COL6A6: variants seen among roughly 807,000 people sequenced by gnomAD.
The protein encoded by COL6A6 is collagen type VI alpha 6 chain.
Under a neutral mutation model 208.6 loss-of-function variants are expected in COL6A6, and 183 were observed. The observed-to-expected ratio is 0.88, with a 90% CI of 0.78 to 0.99. The LOEUF is 0.99. COL6A6 is among the 50% of genes least tolerant of loss of function. The pLI, the probability that COL6A6 is intolerant of heterozygous loss-of-function variation, is 0.00. For missense variants in COL6A6, 2,816 were observed against 2,815.2 expected (o/e 1.00, Z -0.01); for synonymous variants, 973 against 1,011.8 (o/e 0.96, Z 0.73).
At chr3:130,634,238 T>TAAAAAAAAAAA (rs1553713527) in intron 26 of COL6A6, among the ~76,000 whole-genome samples, 3 of 16,196 alleles carry the variant, frequency 1.9e-4, no homozygotes, top group East Asian at 1.0e-3. Flanking sequence ...AATAAATAAA[T>TAAAAAAAAAAA]AAATAAAAAA....
chr3:130,590,093 G>A (rs1053663481), intron 12 of COL6A6: 8 of 407,546 alleles, frequency 2.0e-5, no homozygotes, highest in Admixed American at 1.9e-4. Context: ...TTTAATAAAC[G>A]GAGAATAATT....
intron 10 of COL6A6, among the ~76,000 whole-genome samples, chr3:130,584,770 A>G (rs2063499315): frequency 6.6e-6 from 1 of 151,752 alleles, no homozygotes; most frequent in African/African-American, 2.4e-5. Context: ...GCCTGCCACC[A>G]CACCCGGCTA....
chr3:130,540,079 A>G (rs2062325175), intron 1 of COL6A6, among the ~76,000 whole-genome samples: 1 of 152,218 alleles, frequency 6.6e-6, no homozygotes, highest in African/African-American at 2.4e-5. Flanking sequence ...GAATGTTGAT[A>G]ATAACATATC....
intron 35 of COL6A6, 55 bp downstream of exon 35, chr3:130,662,363 A>G: frequency 3.3e-6 from 5 of 1,500,218 alleles, no homozygotes; most frequent in Non-Finnish European, 4.5e-6. Flanking sequence ...TGGTATTACT[A>G]AAAAAAGGTT....
intron 1 of COL6A6, among the ~76,000 whole-genome samples, chr3:130,530,343 C>A (rs1277200240): frequency 6.6e-6 from 1 of 151,960 alleles, no homozygotes; most frequent in Non-Finnish European, 1.5e-5. Context: ...GGCCTCAAAA[C>A]CCTTGCTCTG....
chr3:130,642,145 G>A (rs1052307133), intron 29 of COL6A6, among the ~76,000 whole-genome samples: 4 of 151,950 alleles, frequency 2.6e-5, no homozygotes, highest in African/African-American at 9.7e-5. Flanking sequence ...GTCTCTCTTT[G>A]AAAGAAGCCA....
intron 1 of COL6A6, among the ~76,000 whole-genome samples, chr3:130,524,648 C>G (rs906405423): frequency 1.3e-5 from 2 of 152,148 alleles, no homozygotes; most frequent in Non-Finnish European, 2.9e-5. Flanking sequence ...CTTTATTTAT[C>G]TGTTTATTTT....
intron 1 of COL6A6, among the ~76,000 whole-genome samples, chr3:130,535,547 T>C (rs927942411): frequency 6.6e-6 from 1 of 152,174 alleles, no homozygotes; most frequent in Non-Finnish European, 1.5e-5. Flanking sequence ...GATTCTTTTT[T>C]TTTTTCCATA....
In COL6A6 at chr3:130,574,168, T is replaced by A. The variant is rs748481439; in HGVS notation, c.3190T>A (p.Ser1064Thr). ...AACTTTCATAGGTGAAAAAGAGATA[T>A]CATTTCAGATTGAAAACATCAAGCA... ...LGTFIGEKEISFQIENIKQIF... is the reference protein window; with the variant it reads ...LGTFIGEKEITFQIENIKQIF... The change falls in exon 8 of 37, where the codon TCA (serine) becomes ACA (threonine). Residue 1064 changes from serine (S) to threonine (T), a missense_variant. Transcript: ENST00000358511. 5.6e-6 allele frequency: 9 copies of A among 1,613,882 alleles called. No individual in the cohort carries two copies. The East Asian group carries it at 1.8e-4, about 32-fold the overall frequency.
At chr3:130,625,935 A>C (rs2108292186) in intron 24 of COL6A6, among the ~76,000 whole-genome samples, 1 of 152,298 alleles carries the variant, frequency 6.6e-6, no homozygotes, top group Non-Finnish European at 1.5e-5. Context: ...CCAAAATTAA[A>C]ATTGTTACCT....
At chr3:130,521,777 T>A (rs752442663) in intron 1 of COL6A6, among the ~76,000 whole-genome samples, 4 of 152,178 alleles carry the variant, frequency 2.6e-5, no homozygotes, top group Non-Finnish European at 5.9e-5. Flanking sequence ...CCTTACCCAA[T>A]AATATATGAA....
At chr3:130,628,462 G>A (rs927218782) in intron 26 of COL6A6, among the ~76,000 whole-genome samples, 19 of 152,138 alleles carry the variant, frequency 1.2e-4, no homozygotes, top group Admixed American at 6.5e-5. Flanking sequence ...ATAACAAAAT[G>A]TATATAATCT....
intron 36 of COL6A6, among the ~76,000 whole-genome samples, chr3:130,667,361 C>G (rs534553169): frequency 6.6e-6 from 1 of 152,250 alleles, no homozygotes; most frequent in South Asian, 2.1e-4. Context: ...CTCAGCCTCC[C>G]AAGTAGCTGG....
chr3:130,563,840 G>A (rs1290667389), intron 3 of COL6A6, among the ~76,000 whole-genome samples, 176 bp downstream of exon 3: 2 of 152,178 alleles, frequency 1.3e-5, no homozygotes, highest in Non-Finnish European at 2.9e-5. Context: ...ATTCAGTGAA[G>A]CCCAGAAGTC....
intron 20 of COL6A6, 35 bp downstream of exon 20, chr3:130,599,845 T>G (rs1035670624): frequency 1.1e-5 from 18 of 1,606,356 alleles, no homozygotes; most frequent in Non-Finnish European, 1.5e-5. Context: ...ACCCACTGTT[T>G]TGGTGGCTCA....
chr3:130,623,731 A>T (rs540703894), intron 24 of COL6A6, among the ~76,000 whole-genome samples: 3 of 152,226 alleles, frequency 2.0e-5, no homozygotes, highest in African/African-American at 7.2e-5. Flanking sequence ...CACTTGGGGG[A>T]TAGAGGAAAG....
chr3:130,637,356 A>T (rs933006219), intron 28 of COL6A6, among the ~76,000 whole-genome samples: 33 of 151,728 alleles, frequency 2.2e-4, no homozygotes, highest in African/African-American at 8.0e-4. Flanking sequence ...GCACGCTAAC[A>T]AGTTCATGGT....
rs57615059 is a variant in COL6A6, at chr3:130,639,689, CAAAAAAAAA to C, written c.5092-1950_5092-1942del. On this transcript the variant is annotated intron_variant, in intron 28 of 36. Coordinates refer to ENST00000358511, the MANE Select transcript of COL6A6 (RefSeq NM_001102608.3). ...CCTGGGTGAGACTGAGATCCTGTCTCAAAAAAAAAAAAAAAAAAAAATGACTGATTGGAA... is the reference window on the plus strand; with the variant it reads ...CCTGGGTGAGACTGAGATCCTGTCTCAAAAAAAAAAAATGACTGATTGGAA... Among the ~76,000 whole-genome samples, 5 of 94,640 alleles carry C rather than the reference CAAAAAAAAA, an allele frequency of 5.3e-5. No individual in the cohort carries two copies. In the East Asian group the frequency reaches 1.5e-3, roughly 28 times the overall value. 62.1% of individuals were successfully genotyped at this position (94,640 alleles called of 152,430 possible). A position where few individuals can be genotyped will look rare whatever the true frequency, so the allele number is the denominator to read the frequency against.
chr3:130,647,635 A>C (rs911175997), intron 32 of COL6A6, among the ~76,000 whole-genome samples: 2 of 152,166 alleles, frequency 1.3e-5, no homozygotes, highest in African/African-American at 4.8e-5. Flanking sequence ...GGACGGGAGG[A>C]GGTCATAGTT....
Sources: gnomAD v4.1 joint callset for allele counts (sites outside exome capture counted in the v4.1 genomes callset) on GRCh38, gnomAD v4.1.1 for gene constraint, MANE v1.5 for transcripts, NCBI Gene and HGNC (gene_info 2026-07-23, HGNC 2026-07-21) for gene names.